Variants in NAP1L4 observed in about 807,000 individuals in gnomAD.
The protein encoded by NAP1L4 is nucleosome assembly protein 1 like 4, also known as nucleosome assembly protein 1-like 4.
In NAP1L4, 15 loss-of-function variants were observed where a neutral mutation model predicts 58.2. The observed-to-expected ratio is 0.26, with a 90% CI of 0.17 to 0.40. NAP1L4 has a LOEUF of 0.40. Ranked by LOEUF, NAP1L4 falls within the 10% of genes least tolerant of loss-of-function variation. The pLI is 1.00. For synonymous variants in NAP1L4, 171 were observed against 155.6 expected (o/e 1.10, Z -0.74); for missense variants, 384 against 451.1 (o/e 0.85, Z 1.35).
chr11:2,951,511 G>T lies in NAP1L4; in HGVS notation c.1066-196C>A, dbSNP rs1271173076. Among the ~76,000 whole-genome samples the T allele has an allele frequency of 6.6e-6, 1 of 152,138 alleles. No individual in the cohort carries two copies. The highest frequency in any genetic ancestry group is 6.5e-5 in the Admixed American group (1 of 15,278). ...TTTGTTCTCACAGAGAGCCCTGAAAGAAACAAAATTCTGAAAAAGTAGATT... is the reference window on the plus strand; with the variant it reads ...TTTGTTCTCACAGAGAGCCCTGAAATAAACAAAATTCTGAAAAAGTAGATT... On this transcript the variant is annotated intron_variant, in intron 13 of 15. Coordinates refer to ENST00000380542, the MANE Select transcript of NAP1L4 (RefSeq NM_005969.4). This position sits in a 1 kb window ranked among gnomAD's most constrained non-coding sequence, Gnocchi z 4.0.
rs116269951 is a variant in NAP1L4, at chr11:2,963,907, G to C, written c.606+773C>G. 3.8e-3 allele frequency: 1,996 copies of C among 519,234 alleles called. 24 individuals are homozygous for C. Among genetic ancestry groups the C allele is most frequent in the African/African-American group, 0.035 (1,804 of 52,094 alleles). The allele number at this position is 519,234 out of a possible 1,614,324, so 32.2% of individuals were successfully genotyped here. On this transcript the variant is annotated intron_variant, in intron 8 of 15. Transcript: ENST00000380542. The stretch of plus-strand genomic sequence containing the variant: ...CGAACAGTGCTCCCTGGGAGAACCA[G>C]GCTGGGATGAGACAGTCTGGCAAGG...
chr11:2,961,089 C>G (rs1040230396), intron 8 of NAP1L4, among the ~76,000 whole-genome samples: 1 of 151,656 alleles, frequency 6.6e-6, no homozygotes, highest in African/African-American at 2.4e-5. Flanking sequence ...TAAATGTCAG[C>G]TGTTTCCATT....
intron 9 of NAP1L4, 157 bp from the exon 10 acceptor site, chr11:2,958,701 G>A (rs1846692387): frequency 1.4e-6 from 1 of 711,562 alleles, no homozygotes; most frequent in African/African-American, 1.8e-5. Context: ...TTCATCTGGA[G>A]GTTGGCAAAA....
intron 14 of NAP1L4, among the ~76,000 whole-genome samples, chr11:2,950,640 A>C (rs1846178647): frequency 6.6e-6 from 1 of 152,370 alleles, no homozygotes; most frequent in South Asian, 2.1e-4. Flanking sequence ...AAAATGTGCC[A>C]AATGGTCAAA....
chr11:2,950,448 G>A (rs1366876733), intron 14 of NAP1L4, among the ~76,000 whole-genome samples: 1 of 152,068 alleles, frequency 6.6e-6, no homozygotes, highest in Non-Finnish European at 1.5e-5. Context: ...AAAAACAAGG[G>A]TAAAAACAAG....
intron 8 of NAP1L4, among the ~76,000 whole-genome samples, chr11:2,963,025 A>AG (rs1847026886): frequency 6.8e-6 from 1 of 148,024 alleles, no homozygotes; most frequent in Admixed American, 6.8e-5. Flanking sequence ...GCTTGAATCC[A>AG]GGAGGCAGAG....
chr11:2,963,379 G>C (rs1564979552), intron 8 of NAP1L4, among the ~76,000 whole-genome samples: 2 of 152,160 alleles, frequency 1.3e-5, no homozygotes, highest in Non-Finnish European at 2.9e-5. Flanking sequence ...AGTGATGCAA[G>C]CCCAGGAAGA....
chr11:2,960,442 T>C (rs1353011673), intron 8 of NAP1L4, among the ~76,000 whole-genome samples: 2 of 151,968 alleles, frequency 1.3e-5, no homozygotes, highest in Non-Finnish European at 1.5e-5. Flanking sequence ...ATCCCTCACT[T>C]ACAAAGCACG....
Position 2,948,888 on chromosome 11 carries a change from G to A in NAP1L4, c.*32+339C>T, listed in dbSNP as rs539355964. On this transcript the variant is annotated intron_variant, in intron 15 of 15. Coordinates refer to ENST00000380542, the MANE Select transcript of NAP1L4 (RefSeq NM_005969.4). This position sits in a 1 kb window ranked among gnomAD's most constrained non-coding sequence, Gnocchi z 5.1. ...GCCCAGTGTGTTATGCTCTCTGCAA[G>A]GACTGCTTGCTTATGGTGGCCCGTG... Among the ~76,000 whole-genome samples the A allele has an allele frequency of 6.6e-6, 1 of 152,320 alleles. No homozygotes were observed. Among genetic ancestry groups the A allele is most frequent in the South Asian group, 2.1e-4 (1 of 4,828 alleles).
At chr11:2,989,891 G>A (rs757294029) in intron 1 of NAP1L4, 2 of 152,192 alleles carry the variant, frequency 1.3e-5, no homozygotes, top group East Asian at 3.9e-4. Flanking sequence ...TTCTACAGAA[G>A]AATCTGATGG....
In NAP1L4 at chr11:2,981,421, A is replaced by C. The variant is rs1168472527; in HGVS notation, c.-17-2184T>G. Among the ~76,000 whole-genome samples, 745 of 108,880 alleles carry C rather than the reference A, an allele frequency of 6.8e-3. 23 individuals carry two copies. The highest frequency in any genetic ancestry group is 0.033 in the African/African-American group (701 of 21,486). 71.4% of individuals were successfully genotyped at this position (108,880 alleles called of 152,430 possible). A position where few individuals can be genotyped will look rare whatever the true frequency, so the allele number is the denominator to read the frequency against. On this transcript the variant is annotated intron_variant, in intron 1 of 15. Transcript: ENST00000380542. ...CAACAGAGCAAGTACCCTGTCTCAA[A>C]AAAAAAAAAAAAAAAAAAAAAAAAG...
chr11:2,978,209 T>C, intron 3 of NAP1L4, 75 bp downstream of exon 3: 1 of 1,409,008 alleles, frequency 7.1e-7, no homozygotes. Context: ...ATCCTTTACT[T>C]GCATTAATAA....
chr11:2,971,948 T>C lies in NAP1L4; in HGVS notation c.315+154A>G, dbSNP rs561321312. On this transcript the variant is annotated intron_variant, in intron 5 of 15. Coordinates refer to ENST00000380542, the MANE Select transcript of NAP1L4 (RefSeq NM_005969.4). This position sits in a 1 kb window ranked among gnomAD's most constrained non-coding sequence, Gnocchi z 4.2. ...CCTGACTGCAGGCTAATGTTAGCGT[T>C]CTGAGCTTGTTTAAGGTAGTCTAGA... Among the ~76,000 whole-genome samples, 1 of 152,360 alleles carries C rather than the reference T, an allele frequency of 6.6e-6. No individual in the cohort carries two copies. The highest frequency in any genetic ancestry group is 2.4e-5 in the African/African-American group (1 of 41,572).
intron 1 of NAP1L4, chr11:2,983,644 C>T (rs1422189504): frequency 6.7e-6 from 1 of 148,948 alleles, no homozygotes; most frequent in Non-Finnish European, 1.5e-5. Context: ...TGAATTTACA[C>T]AATAAAAAAG....
intron 8 of NAP1L4, among the ~76,000 whole-genome samples, chr11:2,961,766 A>G (rs1846927065): frequency 1.3e-5 from 2 of 152,182 alleles, no homozygotes; most frequent in Admixed American, 6.5e-5. Flanking sequence ...TCCTGGGGTC[A>G]AGCAATCCTC....
At chr11:2,947,704 C>A (rs553191867) in intron 15 of NAP1L4, among the ~76,000 whole-genome samples, 90 of 151,822 alleles carry the variant, frequency 5.9e-4, no homozygotes, top group African/African-American at 1.9e-3. Context: ...AGTCATTAAT[C>A]AATGCTAAGA....
chr11:2,963,893 C>T (rs1293271334), intron 8 of NAP1L4: 2 of 519,070 alleles, frequency 3.9e-6, no homozygotes, highest in Non-Finnish European at 7.7e-6. Flanking sequence ...GAACAGTGCT[C>T]CCTGGGAGAA....
At chr11:2,945,738 G>T in intron 15 of NAP1L4, 92 bp from the exon 16 acceptor site, 1 of 1,031,868 alleles carries the variant, frequency 9.7e-7, no homozygotes, top group Non-Finnish European at 1.4e-6. Flanking sequence ...GACTGAATGA[G>T]TTCATTCTCA....
chr11:2,955,270 C>G lies in NAP1L4; in HGVS notation c.915+474G>C, dbSNP rs758512634. ...GGAATACGGTGGTGCAATCTCAGCTCACTGCAACCTCCTCCTCTCGGGTTC... is the reference window on the plus strand; with the variant it reads ...GGAATACGGTGGTGCAATCTCAGCTGACTGCAACCTCCTCCTCTCGGGTTC... On this transcript the variant is annotated intron_variant, in intron 11 of 15. Transcript: ENST00000380542. This position sits in a 1 kb window ranked among gnomAD's most constrained non-coding sequence, Gnocchi z 4.2. Among the ~76,000 whole-genome samples the G allele has an allele frequency of 2.6e-5, 4 of 152,094 alleles. No homozygotes were observed. Among genetic ancestry groups the G allele is most frequent in the Non-Finnish European group, 4.4e-5 (3 of 68,020 alleles).
Sources: gnomAD v4.1 joint callset for allele counts (sites outside exome capture counted in the v4.1 genomes callset) on GRCh38, gnomAD v4.1.1 for gene constraint, Gnocchi (gnomAD v3.1) non-coding constraint, MANE v1.5 for transcripts, NCBI Gene and HGNC (gene_info 2026-07-23, HGNC 2026-07-21) for gene names.